The following GOLGA1 variants were observed in gnomAD, a reference collection of about 807,000 sequenced individuals.
GOLGA1 encodes the protein golgin A1.
In GOLGA1, 63 loss-of-function variants were observed where a neutral mutation model predicts 119.7. That is an observed-to-expected ratio of 0.53 (90% CI 0.43 to 0.65). The LOEUF is 0.65. GOLGA1 is among the 30% of genes least tolerant of loss of function. The pLI is 0.00. For synonymous variants in GOLGA1, 318 were observed against 333.4 expected (o/e 0.95, Z 0.50); for missense variants, 798 against 912.8 (o/e 0.87, Z 1.62).
intron 10 of GOLGA1, among the ~76,000 whole-genome samples, chr9:124,912,458 G>A (rs1032032243): frequency 2.6e-5 from 4 of 152,166 alleles, no homozygotes; most frequent in African/African-American, 7.2e-5. Context: ...AGATTCACCT[G>A]GCTCACAGGA....
At chr9:124,938,296 AAAG>A (rs1335408747) in intron 3 of GOLGA1, among the ~76,000 whole-genome samples, 1 of 152,162 alleles carries the variant, frequency 6.6e-6, no homozygotes, top group Non-Finnish European at 1.5e-5. Flanking sequence ...ATGAAATGCA[AAAG>A]AAGATGTATA....
rs1380559451 is a variant in GOLGA1, at chr9:124,888,080, G to A, written c.1905+173C>T. ...GAGGGCTGGGGAGGGTGTGGAGGAG[G>A]ACAGTGCAGGAGGAACGGAAGATCA... On this transcript the variant is annotated intron_variant, in intron 19 of 22. Transcript: ENST00000373555. The surrounding 1 kb of genome is among the most constrained non-coding windows in gnomAD (Gnocchi z 4.4). 6.6e-6 allele frequency among the ~76,000 whole-genome samples: 1 copy of A among 152,158 alleles called. No homozygotes were observed. Among genetic ancestry groups the A allele is most frequent in the African/African-American group, 2.4e-5 (1 of 41,432 alleles).
Position 124,921,256 on chromosome 9 carries a change from G to T in GOLGA1, c.732-16C>A, listed in dbSNP as rs371623081. ...CACATGATCTCTTCATCAAAAGAAA[G>T]CAGACAATGAACAAATTTGGATATC... On this transcript the variant is annotated splice_polypyrimidine_tract_variant and intron_variant, in intron 9 of 22. Transcript: ENST00000373555. The T allele has an allele frequency of 1.0e-5, 15 of 1,484,530 alleles. No individual in the cohort carries two copies. The highest frequency in any genetic ancestry group is 1.3e-5 in the Non-Finnish European group (14 of 1,062,776). 92.0% of individuals were successfully genotyped at this position (1,484,530 alleles called of 1,614,324 possible).
intron 19 of GOLGA1, among the ~76,000 whole-genome samples, chr9:124,884,567 C>A (rs1290322955): frequency 6.6e-6 from 1 of 152,112 alleles, no homozygotes; most frequent in Non-Finnish European, 1.5e-5. Flanking sequence ...AGCTTTGTTT[C>A]CCCAAGCGAG....
chr9:124,889,404 A>G, intron 17 of GOLGA1, 30 bp downstream of exon 17: 3 of 1,590,876 alleles, frequency 1.9e-6, no homozygotes, highest in Non-Finnish European at 2.6e-6. Context: ...TGAAAAGGAG[A>G]GAAGGCTCAG....
At position 124,941,053 on chromosome 9, in the gene GOLGA1, CAGCCGGCG is replaced by C; in HGVS notation, c.-296_-289del. ...GCCCGCGTCACCAACCCCCACCGCC[CAGCCGGCG>C]AGCCGAGCAGCGACCCGGAACCGCA... On this transcript the variant is annotated 5_prime_UTR_variant, in exon 1 of 23. Transcript: ENST00000373555. The C allele has an allele frequency of 6.6e-6, 1 of 152,324 alleles. No individual in the cohort carries two copies. Among genetic ancestry groups the C allele is most frequent in the East Asian group, 1.9e-4 (1 of 5,202 alleles). 9.4% of individuals were successfully genotyped at this position (152,324 alleles called of 1,614,324 possible). A position where few individuals can be genotyped will look rare whatever the true frequency, so the allele number is the denominator to read the frequency against.
Position 124,931,400 on chromosome 9 carries a change from C to A in GOLGA1, c.142G>T (p.Asp48Tyr). The A allele has an allele frequency of 6.5e-7, 1 of 1,549,056 alleles. No homozygotes were observed. Among genetic ancestry groups the A allele is most frequent in the South Asian group, 1.1e-5 (1 of 89,752 alleles). Reference protein sequence around the residue: ...GADSGDDFASDGSSSREDLSS... With the variant: ...GADSGDDFASYGSSSREDLSS... ...AGATCTTCTCTGGAGCTGCTTCCAT[C>A]GGAAGCCTGTTGAGGTAGACACAAG... Residue 48 changes from aspartate to tyrosine, a missense_variant, in exon 4 of 23, where the codon GAT becomes TAT. By Grantham distance (160) the Asp-to-Tyr change is radical (BLOSUM62 -3). Transcript: ENST00000373555.
upstream of GOLGA1, chr9:124,943,451 GAC>G (rs1367967953): frequency 1.3e-5 from 2 of 152,148 alleles, no homozygotes; most frequent in African/African-American, 4.8e-5. Context: ...TTATTTGCAC[GAC>G]AGATTAGCAG....
chr9:124,940,183 T>G (rs1487087232), intron 1 of GOLGA1, 28 bp from the exon 2 acceptor site: 3 of 151,910 alleles, frequency 2.0e-5, no homozygotes, highest in African/African-American at 7.3e-5. Flanking sequence ...TAAAATGCAT[T>G]GGGTATTTCT....
At chr9:124,900,743 A>G (rs1830087455) in intron 12 of GOLGA1, among the ~76,000 whole-genome samples, 196 bp from the exon 13 acceptor site, 3 of 152,288 alleles carry the variant, frequency 2.0e-5, no homozygotes, top group Middle Eastern at 6.8e-3. Flanking sequence ...TCTTTTAATG[A>G]CTTTTGTTTA....
At chr9:124,910,312 G>A (rs1027531058) in intron 11 of GOLGA1, among the ~76,000 whole-genome samples, 12 of 151,900 alleles carry the variant, frequency 7.9e-5, no homozygotes, top group African/African-American at 1.7e-4. Context: ...TGATCTGCCC[G>A]CCTCGGCTAC....
At chr9:124,895,433 T>A (rs1220264232) in intron 15 of GOLGA1, among the ~76,000 whole-genome samples, 1 of 112,696 alleles carries the variant, frequency 8.9e-6, no homozygotes, top group African/African-American at 3.6e-5. Context: ...CAGAGAACCC[T>A]CCACAACAGA....
At chr9:124,923,275 G>A in intron 7 of GOLGA1, 52 bp from the exon 8 acceptor site, 1 of 1,430,908 alleles carries the variant, frequency 7.0e-7, no homozygotes, top group Non-Finnish European at 9.6e-7. Context: ...TTAGAAATCT[G>A]TATTACGAAA....
At chr9:124,913,322 T>A (rs1249268408) in intron 10 of GOLGA1, among the ~76,000 whole-genome samples, 1 of 152,174 alleles carries the variant, frequency 6.6e-6, no homozygotes, top group Non-Finnish European at 1.5e-5. Flanking sequence ...TCCAGGAAGC[T>A]TTGAATACAT....
chr9:124,931,273 G>A, intron 4 of GOLGA1, 43 bp downstream of exon 4: 1 of 891,804 alleles, frequency 1.1e-6, no homozygotes, highest in South Asian at 1.3e-5. Context: ...GTCAAGCAAG[G>A]CAAGTTTCCT....
chr9:124,935,245 G>A (rs1306706244), intron 3 of GOLGA1, among the ~76,000 whole-genome samples: 1 of 152,058 alleles, frequency 6.6e-6, no homozygotes, highest in Non-Finnish European at 1.5e-5. Flanking sequence ...TAATATTTTG[G>A]GGATGGGACC....
chr9:124,924,440 C>T (rs12344634), intron 7 of GOLGA1, among the ~76,000 whole-genome samples: 52,261 of 151,230 alleles, frequency 0.35, 9,244 homozygotes, highest in Admixed American at 0.38. Flanking sequence ...GACCAGCCTG[C>T]GCAACATGGT....
Position 124,879,790 on chromosome 9 carries a change from T to C in GOLGA1, c.*740A>G, listed in dbSNP as rs2131348875. 1 of 152,680 alleles carries C rather than the reference T, an allele frequency of 6.5e-6. No individual in the cohort carries two copies. Among genetic ancestry groups the C allele is most frequent in the East Asian group, 1.9e-4 (1 of 5,188 alleles). 9.5% of individuals were successfully genotyped at this position (152,680 alleles called of 1,614,324 possible). ...AGTGAAGAACTTCAGCTATAAAAAA[T>C]AGTTTAAAATGGTTTACCAGCAACC... On this transcript the variant is annotated 3_prime_UTR_variant, in exon 23 of 23. Transcript: ENST00000373555.
intron 11 of GOLGA1, among the ~76,000 whole-genome samples, chr9:124,911,237 A>G (rs545629462): frequency 2.6e-4 from 39 of 152,316 alleles, no homozygotes; most frequent in Non-Finnish European, 4.4e-4. Context: ...AGACTAGGCT[A>G]GATTTGCTGG....
Sources: gnomAD v4.1 joint callset for allele counts (sites outside exome capture counted in the v4.1 genomes callset) on GRCh38, gnomAD v4.1.1 for gene constraint, Gnocchi (gnomAD v3.1) non-coding constraint, MANE v1.5 for transcripts, NCBI Gene and HGNC (gene_info 2026-07-23, HGNC 2026-07-21) for gene names.